XPO7: variants seen among roughly 807,000 people sequenced by gnomAD.
XPO7 encodes the protein exportin-7.
A neutral mutation model predicts 144.3 loss-of-function variants in XPO7; 21 were observed. The observed-to-expected ratio is 0.15, with a 90% CI of 0.10 to 0.21. The LOEUF (loss-of-function observed/expected upper bound fraction) is 0.21. Among genes scored for constraint, XPO7 ranks in the 10% least tolerant of loss-of-function variants. XPO7 has a pLI of 1.00. For missense variants in XPO7, 808 were observed against 1,325.8 expected, an observed-to-expected ratio of 0.61 and a Z score of 6.06; for synonymous variants, 580 against 499.6, an observed-to-expected ratio of 1.16 and a Z score of -2.15.
At chr8:21,947,781 C>A (rs769274149) in intron 1 of XPO7, among the ~76,000 whole-genome samples, 3 of 152,100 alleles carry the variant, frequency 2.0e-5, no homozygotes, top group Non-Finnish European at 4.4e-5. Flanking sequence ...AAGCAATCTA[C>A]AAAGTGGGAG....
chr8:21,949,648 T>C (rs1016977791), intron 1 of XPO7, among the ~76,000 whole-genome samples: 3 of 152,226 alleles, frequency 2.0e-5, no homozygotes, highest in Non-Finnish European at 2.9e-5. Flanking sequence ...TTCCCCCATA[T>C]AACAACAAAG....
chr8:21,991,966 G>C lies in XPO7; in HGVS notation c.2140G>C (p.Glu714Gln). The C allele has an allele frequency of 1.2e-6, 2 of 1,612,938 alleles. No homozygotes were observed. The highest frequency in any genetic ancestry group is 1.7e-6 in the Non-Finnish European group (2 of 1,179,558). The stretch of plus-strand genomic sequence containing the variant: ...TAGCACCAATAGTTTCAACGAGCAG[G>C]AGGCAAAGGTGAGTGAGTCTTTCAC... ...MFSTNSFNEQ[E>Q]AKRTLVGLVR... The change falls in exon 19 of 28, where the codon GAG (glutamate) becomes CAG (glutamine). Residue 714 changes from glutamate (E) to glutamine (Q), a missense_variant. Physicochemically the swap from Glu to Gln is conservative, Grantham distance 29. Transcript: ENST00000252512.
At chr8:21,961,824 A>T (rs1811734178) in intron 1 of XPO7, among the ~76,000 whole-genome samples, 1 of 151,278 alleles carries the variant, frequency 6.6e-6, no homozygotes, top group African/African-American at 2.5e-5. Flanking sequence ...CACCACATTC[A>T]ACTAAGTTTT....
At chr8:21,951,480 G>A (rs1342421815) in intron 1 of XPO7, among the ~76,000 whole-genome samples, 1 of 151,988 alleles carries the variant, frequency 6.6e-6, no homozygotes, top group African/African-American at 2.4e-5. Context: ...TCAGATATTT[G>A]TTGTTGTATG....
rs1472808439 is a variant in XPO7, at chr8:21,979,285, T to A, written c.838-799T>A. 6.6e-5 allele frequency among the ~76,000 whole-genome samples: 10 copies of A among 152,206 alleles called. No homozygotes were observed. In the East Asian group the frequency reaches 1.9e-3, roughly 29 times the overall value. ...GTCTCAAACTCCCGACCTCAGGTGA[T>A]CTGCCTGTTTCAGCCTCCCAAAGTG... On this transcript the variant is annotated intron_variant, in intron 8 of 27. Coordinates refer to ENST00000252512, the MANE Select transcript of XPO7 (RefSeq NM_015024.5).
intron 8 of XPO7, among the ~76,000 whole-genome samples, chr8:21,978,075 T>C (rs1417212398): frequency 1.0e-5 from 1 of 97,696 alleles, no homozygotes; most frequent in East Asian, 2.4e-4. Context: ...ATGGTCAAGC[T>C]CTTTTGGGTC....
intron 1 of XPO7, among the ~76,000 whole-genome samples, chr8:21,947,541 A>G (rs1563316947): frequency 6.6e-6 from 1 of 152,332 alleles, no homozygotes; most frequent in South Asian, 2.1e-4. Flanking sequence ...CCCCTGCAAC[A>G]TAGACACACA....
chr8:21,978,521 G>A (rs1025006286), intron 8 of XPO7, among the ~76,000 whole-genome samples: 5 of 152,202 alleles, frequency 3.3e-5, no homozygotes, highest in Non-Finnish European at 7.3e-5. Flanking sequence ...GTAGACCTTT[G>A]TGTTCGCTGA....
At chr8:21,931,075 C>G (rs1048858315) in intron 1 of XPO7, among the ~76,000 whole-genome samples, 2 of 152,042 alleles carry the variant, frequency 1.3e-5, no homozygotes, top group African/African-American at 4.8e-5. Flanking sequence ...AACTCCTGAC[C>G]TCAAGTGATC....
At chr8:21,979,574 AT>A (rs1246985130) in intron 8 of XPO7, among the ~76,000 whole-genome samples, 1 of 150,248 alleles carries the variant, frequency 6.7e-6, no homozygotes, top group Non-Finnish European at 1.5e-5. Flanking sequence ...CGCCCAGCTA[AT>A]TTTTTGTATT....
chr8:21,972,023 C>A (rs1349422318), intron 5 of XPO7, 82 bp downstream of exon 5: 3 of 1,369,844 alleles, frequency 2.2e-6, no homozygotes, highest in African/African-American at 1.4e-5. Flanking sequence ...GTGGGATGAT[C>A]TTTTTTGGCA....
chr8:21,961,220 C>CT (rs1226678995), intron 1 of XPO7, among the ~76,000 whole-genome samples: 1 of 97,104 alleles, frequency 1.0e-5, no homozygotes, highest in African/African-American at 3.9e-5. Context: ...TTTTTTTTTT[C>CT]TTTTTTTGAG....
At chr8:21,969,080 A>G (rs1056305305) in intron 2 of XPO7, among the ~76,000 whole-genome samples, 1 of 152,232 alleles carries the variant, frequency 6.6e-6, no homozygotes, top group African/African-American at 2.4e-5. Flanking sequence ...ATATCATGCC[A>G]TAGAAATATT....
At chr8:21,992,063 T>C (rs937569777) in intron 19 of XPO7, 89 bp downstream of exon 19, 4 of 904,916 alleles carry the variant, frequency 4.4e-6, no homozygotes, top group African/African-American at 1.7e-5. Context: ...AACTATCCAC[T>C]GCCATAGCTT....
rs182352498 is a variant in XPO7, at chr8:22,005,170, T to A, written c.*82T>A. 16 of 1,133,600 alleles carry A rather than the reference T, an allele frequency of 1.4e-5. No homozygotes were observed. The African/African-American group carries it at 2.4e-4, about 17-fold the overall frequency. The allele number at this position is 1,133,600 out of a possible 1,614,324, so 70.2% of individuals were successfully genotyped here. A position where few individuals can be genotyped will look rare whatever the true frequency, so the allele number is the denominator to read the frequency against. ...GCGAACAATTGCAAGGGAGAGGGCC[T>A]GGCTGATCCTGGCTCTTTTCTCCAG... On this transcript the variant is annotated 3_prime_UTR_variant, in exon 28 of 28. Coordinates refer to ENST00000252512, the MANE Select transcript of XPO7 (RefSeq NM_015024.5).
intron 1 of XPO7, among the ~76,000 whole-genome samples, chr8:21,923,451 T>C (rs527883270): frequency 6.6e-6 from 1 of 152,238 alleles, no homozygotes; most frequent in Non-Finnish European, 1.5e-5. Context: ...GTGTATTTTA[T>C]TTCATTATTT....
chr8:21,949,400 TA>T (rs1811298763), intron 1 of XPO7, among the ~76,000 whole-genome samples: 1 of 152,224 alleles, frequency 6.6e-6, no homozygotes, highest in South Asian at 2.1e-4. Flanking sequence ...TACATACTGA[TA>T]GCATGGCACT....
intron 4 of XPO7, 78 bp downstream of exon 4, chr8:21,970,388 ACAC>A (rs1331779593): frequency 7.7e-7 from 1 of 1,299,124 alleles, no homozygotes; most frequent in East Asian, 2.5e-5. Flanking sequence ...ACACACACAC[ACAC>A]AACTTAACAC....
rs188688915 is a variant in XPO7, at chr8:21,989,356, A to G, written c.1868+273A>G. Among the ~76,000 whole-genome samples the G allele has an allele frequency of 2.8e-3, 421 of 152,364 alleles. 2 individuals carry two copies. The highest frequency in any genetic ancestry group is 0.026 in the South Asian group (128 of 4,832). ...CAGAAGTGCATAGTAGCCCCATCTC[A>G]TAGGTACATACTCTGTGTGACCAAG... On this transcript the variant is annotated intron_variant, in intron 16 of 27. Coordinates refer to ENST00000252512, the MANE Select transcript of XPO7 (RefSeq NM_015024.5).
Sources: allele counts gnomAD v4.1 joint callset (sites outside exome capture counted in the v4.1 genomes callset), GRCh38; gene constraint gnomAD v4.1.1; transcripts MANE v1.5; gene names NCBI Gene and HGNC (gene_info 2026-07-23, HGNC 2026-07-21).